The following LLGL2 variants were observed in gnomAD, a reference collection of about 807,000 sequenced individuals.
LLGL2 encodes the protein LLGL scribble cell polarity complex component 2, also known as LLGL2, scribble cell polarity complex component.
A neutral mutation model predicts 123.2 loss-of-function variants in LLGL2; 81 were observed. The ratio of observed to expected loss-of-function variants is 0.66; its 90% confidence interval spans 0.55 to 0.79. The LOEUF (loss-of-function observed/expected upper bound fraction) is 0.79, where lower values mean the gene tolerates loss of function less well. Ranked by LOEUF, LLGL2 falls within the 30% of genes least tolerant of loss-of-function variation. LLGL2 has a pLI of 0.00. For synonymous variants in LLGL2, 577 were observed against 594.1 expected, an observed-to-expected ratio of 0.97 and a Z score of 0.42; for missense variants, 1,273 against 1,414.6, an observed-to-expected ratio of 0.90 and a Z score of 1.61.
At position 75,568,840 on chromosome 17, in the gene LLGL2, G is replaced by A; in HGVS notation, c.1322+1G>A. On this transcript the variant is annotated splice_donor_variant, in intron 12 of 25. Transcript: ENST00000392550. LOFTEE classifies it high-confidence loss of function. ...CCCAGAGGGACCTGCTGCTCACAGGGTAGGGTACTTTGATGCTACCCCACC... is the reference window on the plus strand; with the variant it reads ...CCCAGAGGGACCTGCTGCTCACAGGATAGGGTACTTTGATGCTACCCCACC... 1.9e-6 allele frequency: 3 copies of A among 1,579,436 alleles called. No homozygotes were observed. The South Asian group carries it at 3.5e-5, about 19-fold the overall frequency.
intron 10 of LLGL2, among the ~76,000 whole-genome samples, chr17:75,565,809 G>A (rs574829595): frequency 4.6e-5 from 7 of 152,306 alleles, no homozygotes; most frequent in South Asian, 2.1e-4. Context: ...AAGCTCTCAC[G>A]TAATGGTTCT....
intron 6 of LLGL2, among the ~76,000 whole-genome samples, chr17:75,561,542 G>A (rs1448158626): frequency 6.6e-6 from 1 of 152,106 alleles, no homozygotes; most frequent in East Asian, 1.9e-4. Context: ...GATCACTTGA[G>A]CCCAGGAGTT....
rs759670596 is a variant in LLGL2, at chr17:75,570,385, G to A, written c.1912G>A (p.Gly638Ser). 1.9e-6 allele frequency: 3 copies of A among 1,611,602 alleles called. No individual in the cohort carries two copies. Among genetic ancestry groups the A allele is most frequent in the South Asian group, 2.2e-5 (2 of 90,652 alleles). Residue 638 changes from glycine to serine, a missense_variant, in exon 16 of 26, where the codon GGC becomes AGC. Physicochemically the swap from Gly to Ser is moderately conservative, Grantham distance 56 (BLOSUM62 0). Coordinates refer to ENST00000392550, the MANE Select transcript of LLGL2 (RefSeq NM_001031803.2). ...LHPSDQLALE[G>S]PLSRVKSLKK... is the part of the protein sequence containing the mutation. Reference sequence around the variant, plus strand: ...CCCCAGTGACCAGCTGGCCTTGGAGGGCCCACTCTCCCGCGTCAAGTCCCT... The same window carrying A: ...CCCCAGTGACCAGCTGGCCTTGGAGAGCCCACTCTCCCGCGTCAAGTCCCT...
chr17:75,563,467 A>G lies in LLGL2; in HGVS notation c.826+4A>G. The G allele has an allele frequency of 5.0e-6, 8 of 1,612,170 alleles. No homozygotes were observed. Among genetic ancestry groups the G allele is most frequent in the Non-Finnish European group, 6.8e-6 (8 of 1,179,866 alleles). On this transcript the variant is annotated splice_donor_region_variant and intron_variant, in intron 8 of 25. Transcript: ENST00000392550. ...CTCCGCAGCCTCGTGCCTTACGGTCAGTGTTTCACCCGCCGGGCAGGGCCC... is the reference window on the plus strand; with the variant it reads ...CTCCGCAGCCTCGTGCCTTACGGTCGGTGTTTCACCCGCCGGGCAGGGCCC...
At chr17:75,526,880 A>G (rs915165132) in intron 1 of LLGL2, among the ~76,000 whole-genome samples, 3 of 152,122 alleles carry the variant, frequency 2.0e-5, no homozygotes, top group African/African-American at 7.2e-5. Context: ...CAGAAGTGGC[A>G]GTTGAGGCTG....
chr17:75,557,034 C>CTTTTTTT (rs55649536), intron 3 of LLGL2, among the ~76,000 whole-genome samples: 26 of 109,880 alleles, frequency 2.4e-4, no homozygotes, highest in African/African-American at 8.5e-4. Flanking sequence ...GTCTCAAAAA[C>CTTTTTTT]TTTTTTTTTT....
chr17:75,566,591 C>T (rs930301468), intron 10 of LLGL2, among the ~76,000 whole-genome samples: 27 of 152,200 alleles, frequency 1.8e-4, no homozygotes, highest in African/African-American at 5.3e-4. Context: ...ACACAAGGGG[C>T]GTATCCGTGT....
At position 75,558,370 on chromosome 17, in the gene LLGL2, C is replaced by G; in HGVS notation, c.255+134C>G. ...TGCTGATGGAAAGACCTGGGACCCC[C>G]TCCCTTTCCACAGCTGGGGCTCATG... On this transcript the variant is annotated intron_variant, in intron 4 of 25. Transcript: ENST00000392550. The surrounding 1 kb of genome is among the most constrained non-coding windows in gnomAD (Gnocchi z 4.0). The G allele has an allele frequency of 8.7e-7, 1 of 1,154,400 alleles. No individual in the cohort carries two copies. The highest frequency in any genetic ancestry group is 1.2e-6 in the Non-Finnish European group (1 of 817,682). The allele number at this position is 1,154,400 out of a possible 1,614,324, so 71.5% of individuals were successfully genotyped here. A position where few individuals can be genotyped will look rare whatever the true frequency, so the allele number is the denominator to read the frequency against.
rs373774180 is a variant in LLGL2, at chr17:75,543,444, G to A, written c.18G>A (p.Arg6=). MRRFL[R]PGHDPVRERL... ...TAAGCAAAATGAGGCGGTTCCTGAG[G>A]CCAGGGCATGACCCTGTGCGGGAGA... is the stretch of plus-strand genomic sequence containing the variant. The change falls in exon 2 of 26, where the codon AGG becomes AGA. Residue 6 remains arginine (R), a synonymous_variant. Coordinates refer to ENST00000392550, the MANE Select transcript of LLGL2 (RefSeq NM_001031803.2). 2.2e-5 allele frequency: 35 copies of A among 1,609,594 alleles called. No homozygotes were observed. The East Asian group carries it at 3.1e-4, about 14-fold the overall frequency.
chr17:75,545,806 A>T (rs889736002), intron 2 of LLGL2, among the ~76,000 whole-genome samples: 23 of 152,202 alleles, frequency 1.5e-4, no homozygotes, highest in African/African-American at 5.5e-4. Context: ...ACAGCCCAGA[A>T]GGAAGGGACT....
chr17:75,560,639 A>G (rs2055160652), intron 6 of LLGL2, among the ~76,000 whole-genome samples: 1 of 150,450 alleles, frequency 6.6e-6, no homozygotes, highest in Admixed American at 6.6e-5. Flanking sequence ...GGCATGCGCT[A>G]CCACACCCAG....
chr17:75,526,114 G>A (rs1480655747), intron 1 of LLGL2, among the ~76,000 whole-genome samples: 1 of 152,170 alleles, frequency 6.6e-6, no homozygotes, highest in Non-Finnish European at 1.5e-5. Context: ...CAGGTGCCCC[G>A]GCCGGCTGGG....
Position 75,531,631 on chromosome 17 carries a change from A to T in LLGL2, c.-31+5806A>T, listed in dbSNP as rs7502339. ...TTCCTCTGTCAGGAGCAGTTTGCAG[A>T]GAGAAAACTGGGGACAGGGCAGGAG... On this transcript the variant is annotated intron_variant, in intron 1 of 25. Transcript: ENST00000392550. Among the ~76,000 whole-genome samples, 9 of 152,256 alleles carry T rather than the reference A, an allele frequency of 5.9e-5. No homozygotes were observed. The South Asian group carries it at 1.9e-3, about 32-fold the overall frequency.
At chr17:75,536,418 T>C (rs1167769707) in intron 1 of LLGL2, among the ~76,000 whole-genome samples, 1 of 152,214 alleles carries the variant, frequency 6.6e-6, no homozygotes, top group African/African-American at 2.4e-5. Context: ...TCCTTTCTAC[T>C]CAGGACCCTG....
chr17:75,541,295 A>G (rs911513555), intron 1 of LLGL2, among the ~76,000 whole-genome samples: 5 of 152,168 alleles, frequency 3.3e-5, no homozygotes, highest in African/African-American at 1.2e-4. Context: ...CTGACTTCTG[A>G]CCCAGTGACC....
chr17:75,526,175 G>C (rs1310938698), intron 1 of LLGL2, among the ~76,000 whole-genome samples: 1 of 152,082 alleles, frequency 6.6e-6, no homozygotes, highest in Admixed American at 6.5e-5. Context: ...ACGTGCAGGC[G>C]CCAGGCCAGC....
chr17:75,555,302 T>C (rs1298741213), intron 2 of LLGL2, among the ~76,000 whole-genome samples: 1 of 151,474 alleles, frequency 6.6e-6, no homozygotes, highest in Non-Finnish European at 1.5e-5. Flanking sequence ...TTTTTTTTTT[T>C]TTTTTGAGAC....
intron 2 of LLGL2, among the ~76,000 whole-genome samples, chr17:75,554,493 G>C (rs1037211461): frequency 6.6e-6 from 1 of 151,796 alleles, no homozygotes; most frequent in African/African-American, 2.4e-5. Context: ...GGTGGTGCAT[G>C]CCTGTAGTCC....
intron 16 of LLGL2, among the ~76,000 whole-genome samples, 165 bp from the exon 17 acceptor site, chr17:75,570,785 C>T (rs1380831798): frequency 1.3e-5 from 2 of 152,194 alleles, no homozygotes; most frequent in Non-Finnish European, 2.9e-5. Flanking sequence ...GCAGGCTCCC[C>T]CAAGGGCACC....
Sources: gnomAD v4.1 joint callset for allele counts (sites outside exome capture counted in the v4.1 genomes callset) on GRCh38, gnomAD v4.1.1 for gene constraint, Gnocchi (gnomAD v3.1) non-coding constraint, MANE v1.5 for transcripts, NCBI Gene and HGNC (gene_info 2026-07-23, HGNC 2026-07-21) for gene names.